The following STX8 variants were observed in gnomAD, a reference collection of about 807,000 sequenced individuals.
The protein encoded by STX8 is syntaxin 8.
STX8 carries 23 observed loss-of-function variants against 37.5 expected under a neutral mutation model. The ratio of observed to expected loss-of-function variants is 0.61; its 90% CI spans 0.44 to 0.87. STX8 has a LOEUF of 0.87. STX8 is among the 40% of genes least tolerant of loss of function. The probability of loss-of-function intolerance (pLI) is 0.00; values close to 1 mark genes in which losing one functional copy is unlikely to be tolerated. For synonymous variants in STX8, 115 were observed against 99.1 expected (o/e 1.16, Z -0.95); for missense variants, 313 against 284.7 (o/e 1.10, Z -0.71).
intron 6 of STX8, among the ~76,000 whole-genome samples, chr17:9,476,496 A>C (rs1906109756): frequency 1.3e-5 from 2 of 149,940 alleles, no homozygotes; most frequent in South Asian, 4.2e-4. Flanking sequence ...TCTGTCACTC[A>C]GGCTGGATTG....
chr17:9,557,415 G>A lies in STX8; in HGVS notation c.212+19C>T. 1 of 1,599,292 alleles carries A rather than the reference G, an allele frequency of 6.3e-7. No individual in the cohort carries two copies. Among genetic ancestry groups the A allele is most frequent in the Non-Finnish European group, 8.6e-7 (1 of 1,167,048 alleles). ...TTCCTCCCACTCTAGAAAAGAGGTG[G>A]AAATGTTTACATGGATACATCTGAT... On this transcript the variant is annotated intron_variant, in intron 3 of 7. Transcript: ENST00000306357.
chr17:9,561,294 G>C (rs1251310343), intron 2 of STX8, among the ~76,000 whole-genome samples: 1 of 152,062 alleles, frequency 6.6e-6, no homozygotes, highest in African/African-American at 2.4e-5. Flanking sequence ...AGTTAATAGA[G>C]AAAGCATTTA....
At chr17:9,388,222 C>T (rs1912084552) in intron 6 of STX8, among the ~76,000 whole-genome samples, 2 of 151,628 alleles carry the variant, frequency 1.3e-5, no homozygotes, top group Admixed American at 6.6e-5. Context: ...CAGATGCCTG[C>T]CACCACACCA....
At chr17:9,372,510 C>T (rs929389668) in intron 7 of STX8, among the ~76,000 whole-genome samples, 3 of 151,770 alleles carry the variant, frequency 2.0e-5, no homozygotes, top group African/African-American at 4.8e-5. Context: ...TGGAGTCATG[C>T]TTTTTTGCCC....
intron 2 of STX8, among the ~76,000 whole-genome samples, chr17:9,561,659 C>T (rs1364184627): frequency 4.7e-5 from 2 of 42,944 alleles, no homozygotes; most frequent in Non-Finnish European, 8.3e-5. Context: ...AAAACTCCAT[C>T]TGGCCAAAAA....
intron 1 of STX8, among the ~76,000 whole-genome samples, chr17:9,571,458 G>A (rs996178923): frequency 7.1e-6 from 1 of 140,740 alleles, no homozygotes; most frequent in African/African-American, 2.6e-5. Flanking sequence ...ACAGGTGCCT[G>A]AAGTACTAGT....
chr17:9,458,134 G>A (rs994884142), intron 6 of STX8, among the ~76,000 whole-genome samples: 2 of 152,198 alleles, frequency 1.3e-5, no homozygotes, highest in African/African-American at 4.8e-5. Flanking sequence ...ATATATGGAG[G>A]AGTAAATATG....
In STX8 at chr17:9,445,629, A is replaced by G. The variant is rs868749880; in HGVS notation, c.541+46200T>C. On this transcript the variant is annotated intron_variant, in intron 6 of 7. Coordinates refer to ENST00000306357, the MANE Select transcript of STX8 (RefSeq NM_004853.3). ...CCTAAGTTGTAAATCGGAATAACAG[A>G]TCAAGCAGGTACCGTGTTTTATAAG... Among the ~76,000 whole-genome samples, 166 of 152,002 alleles carry G rather than the reference A, an allele frequency of 1.1e-3. 1 individual carries two copies. The highest frequency in any genetic ancestry group is 0.01 in the Middle Eastern group (3 of 292).
intron 4 of STX8, among the ~76,000 whole-genome samples, chr17:9,539,862 T>C (rs1340456304): frequency 1.3e-5 from 2 of 152,136 alleles, no homozygotes; most frequent in Admixed American, 6.5e-5. Context: ...TCTCCAAAGA[T>C]AGATAGAGCT....
intron 6 of STX8, among the ~76,000 whole-genome samples, chr17:9,450,057 T>TA (rs79557365): frequency 0.2 from 30,020 of 151,584 alleles, 3,939 homozygotes; most frequent in East Asian, 0.63. Flanking sequence ...AAATTGTTCA[T>TA]AAAAAAAAGA....
At chr17:9,259,991 G>A (rs1906949320) in intron 7 of STX8, among the ~76,000 whole-genome samples, 1 of 152,130 alleles carries the variant, frequency 6.6e-6, no homozygotes, top group Non-Finnish European at 1.5e-5. Flanking sequence ...GTCACGGCGG[G>A]TGGATTGCAT....
At chr17:9,391,864 A>T (rs1329928869) in intron 6 of STX8, among the ~76,000 whole-genome samples, 2 of 152,166 alleles carry the variant, frequency 1.3e-5, no homozygotes, top group African/African-American at 4.8e-5. Context: ...GACTGGGAGG[A>T]GCTTAGAAAA....
At chr17:9,347,699 T>C (rs1910579435) in intron 7 of STX8, among the ~76,000 whole-genome samples, 1 of 152,154 alleles carries the variant, frequency 6.6e-6, no homozygotes. Context: ...GTATTTTTAG[T>C]AGAAACTGGG....
At chr17:9,331,540 G>A (rs1909961531) in intron 7 of STX8, among the ~76,000 whole-genome samples, 1 of 152,198 alleles carries the variant, frequency 6.6e-6, no homozygotes, top group East Asian at 1.9e-4. Context: ...ACTAAAGCAG[G>A]ACCGAGGCCG....
intron 2 of STX8, among the ~76,000 whole-genome samples, chr17:9,561,332 T>C (rs1907221801): frequency 6.6e-6 from 1 of 152,188 alleles, no homozygotes; most frequent in Admixed American, 6.5e-5. Flanking sequence ...CAAAGCTTAA[T>C]ATAGTTAACA....
rs376786323 is a variant in STX8, at chr17:9,529,247, T to G, written c.323+15925A>C. 8.3e-3 allele frequency among the ~76,000 whole-genome samples: 1,251 copies of G among 150,350 alleles called. 22 individuals are homozygous for G. The highest frequency in any genetic ancestry group is 0.028 in the African/African-American group (1,165 of 40,904). On this transcript the variant is annotated intron_variant, in intron 4 of 7. Coordinates refer to ENST00000306357, the MANE Select transcript of STX8 (RefSeq NM_004853.3). ...TGTGGTCTGTTCAGGACATAGCTCT[T>G]AGAGAGAGAGAGAGAGAGAGAGAGA...
At chr17:9,286,523 C>T (rs946867185) in intron 7 of STX8, among the ~76,000 whole-genome samples, 2 of 152,140 alleles carry the variant, frequency 1.3e-5, no homozygotes, top group African/African-American at 4.8e-5. Flanking sequence ...GGCTCTGCAG[C>T]GATATTTCAC....
intron 7 of STX8, among the ~76,000 whole-genome samples, chr17:9,279,215 G>A (rs560194101): frequency 2.6e-5 from 4 of 151,954 alleles, no homozygotes; most frequent in Admixed American, 2.6e-4. Flanking sequence ...CCGCCACCAC[G>A]CCTGGCTAAT....
intron 6 of STX8, among the ~76,000 whole-genome samples, chr17:9,388,558 C>T (rs1912096551): frequency 6.6e-6 from 1 of 151,438 alleles, no homozygotes; most frequent in South Asian, 2.1e-4. Flanking sequence ...AATCCCAGCA[C>T]TTTGGGAGGC....
Sources: gnomAD v4.1 joint callset for allele counts (sites outside exome capture counted in the v4.1 genomes callset) on GRCh38, gnomAD v4.1.1 for gene constraint, MANE v1.5 for transcripts, NCBI Gene and HGNC (gene_info 2026-07-23, HGNC 2026-07-21) for gene names.